AKAP19: variants seen among roughly 807,000 people sequenced by gnomAD.
AKAP19 encodes small A-kinase anchoring protein.
chr2:190,089,718 AG>A, the AKAP19 span: 1 of 152,200 alleles, frequency 6.6e-6, no homozygotes, highest in African/African-American at 2.4e-5. Flanking sequence ...TGATGCTCAA[AG>A]GTAGACATTC....
At chr2:190,195,506 CATG>C in the AKAP19 span, among the ~76,000 whole-genome samples, 1 of 152,310 alleles carries the variant, frequency 6.6e-6, no homozygotes, top group African/African-American at 2.4e-5. Context: ...TCCTGAATGA[CATG>C]ATGTTGAACA....
At chr2:190,051,462 G>A in the AKAP19 span, among the ~76,000 whole-genome samples, 6 of 152,160 alleles carry the variant, frequency 3.9e-5, no homozygotes, top group African/African-American at 1.2e-4. Context: ...CATCTGTCTG[G>A]TCAAGCTGGA....
chr2:190,131,685 G>A, the AKAP19 span, among the ~76,000 whole-genome samples: 1 of 152,220 alleles, frequency 6.6e-6, no homozygotes, highest in African/African-American at 2.4e-5. Flanking sequence ...GTCGGCATCT[G>A]AAGTTGGGCA....
the AKAP19 span, among the ~76,000 whole-genome samples, chr2:190,184,215 A>T: frequency 6.6e-6 from 1 of 152,234 alleles, no homozygotes; most frequent in Non-Finnish European, 1.5e-5. Flanking sequence ...AAATTAGTGA[A>T]GCTGAATGGG....
the AKAP19 span, among the ~76,000 whole-genome samples, chr2:190,155,709 GA>G: frequency 2.0e-5 from 3 of 152,124 alleles, no homozygotes; most frequent in Non-Finnish European, 4.4e-5. Context: ...TGTCTAGTGA[GA>G]AAGAGAGTAG....
the AKAP19 span, among the ~76,000 whole-genome samples, chr2:189,997,861 T>A: frequency 6.6e-6 from 1 of 152,142 alleles, no homozygotes; most frequent in African/African-American, 2.4e-5. Context: ...CGGTTGAAAG[T>A]TTCTTTCACC....
chr2:190,032,893 A>G, the AKAP19 span, among the ~76,000 whole-genome samples: 1 of 152,178 alleles, frequency 6.6e-6, no homozygotes, highest in Non-Finnish European at 1.5e-5. Context: ...AATTCACATC[A>G]ATCTTAATTA....
At chr2:189,999,881 T>C in the AKAP19 span, among the ~76,000 whole-genome samples, 1 of 152,246 alleles carries the variant, frequency 6.6e-6, no homozygotes, top group South Asian at 2.1e-4. Flanking sequence ...TATGACGTAA[T>C]GTGACTCTTA....
chr2:190,115,146 TGTGTGTGA>T, the AKAP19 span, among the ~76,000 whole-genome samples: 4 of 114,078 alleles, frequency 3.5e-5, no homozygotes, highest in East Asian at 2.4e-4. Context: ...AAAGAGTGTG[TGTGTGTGA>T]GTGTGTGTGT....
the AKAP19 span, among the ~76,000 whole-genome samples, chr2:189,933,748 T>G: frequency 6.6e-6 from 1 of 152,278 alleles, no homozygotes; most frequent in Admixed American, 6.5e-5. Flanking sequence ...TCTAAGAGAC[T>G]ATAGGAAATG....
chr2:190,120,522 C>T, the AKAP19 span, among the ~76,000 whole-genome samples: 2 of 152,134 alleles, frequency 1.3e-5, no homozygotes, highest in Non-Finnish European at 2.9e-5. Context: ...AGAAAAGACA[C>T]GGGCTCTATA....
the AKAP19 span, among the ~76,000 whole-genome samples, chr2:190,052,338 T>G: frequency 0.14 from 21,148 of 152,194 alleles, 1,631 homozygotes; most frequent in Middle Eastern, 0.27. Context: ...CTCAATTGTT[T>G]CCATGTAACA....
chr2:189,883,709 T>G, the AKAP19 span, among the ~76,000 whole-genome samples: 1 of 152,128 alleles, frequency 6.6e-6, no homozygotes, highest in African/African-American at 2.4e-5. Flanking sequence ...CCTTCATCTC[T>G]ATCTCCTTTA....
At chr2:190,153,962 C>T in the AKAP19 span, among the ~76,000 whole-genome samples, 606 of 152,232 alleles carry the variant, frequency 4.0e-3, 3 homozygotes, top group Middle Eastern at 0.02. Flanking sequence ...TCTAAAGATT[C>T]CTCTGTGAGA....
chr2:189,991,096 C>A, the AKAP19 span, among the ~76,000 whole-genome samples: 1 of 152,178 alleles, frequency 6.6e-6, no homozygotes, highest in Non-Finnish European at 1.5e-5. Context: ...CACTCATTGG[C>A]TGATGAGCAT....
the AKAP19 span, among the ~76,000 whole-genome samples, chr2:190,050,403 T>C: frequency 6.6e-6 from 1 of 152,190 alleles, no homozygotes; most frequent in South Asian, 2.1e-4. Context: ...AGGCCAAATT[T>C]AGTTTAATGT....
chr2:190,035,471 C>T, the AKAP19 span, among the ~76,000 whole-genome samples: 1 of 152,082 alleles, frequency 6.6e-6, no homozygotes, highest in African/African-American at 2.4e-5. Flanking sequence ...AGACTACTTT[C>T]ATTACTACAA....
At chr2:190,010,360 G>A in the AKAP19 span, among the ~76,000 whole-genome samples, 1 of 152,132 alleles carries the variant, frequency 6.6e-6, no homozygotes, top group Admixed American at 6.5e-5. Flanking sequence ...CTTTGAATGA[G>A]GATGCAGAGG....
chr2:189,954,114 A>T, the AKAP19 span, among the ~76,000 whole-genome samples: 1 of 152,204 alleles, frequency 6.6e-6, no homozygotes, highest in Non-Finnish European at 1.5e-5. Flanking sequence ...AAGGAAAGAG[A>T]TACAATCCAG....
Sources: gnomAD v4.1 joint callset for allele counts (sites outside exome capture counted in the v4.1 genomes callset) on GRCh38, gnomAD v4.1.1 for gene constraint, MANE v1.5 for transcripts, NCBI Gene and HGNC (gene_info 2026-07-23, HGNC 2026-07-21) for gene names.